Variants in PHKA2 observed in about 807,000 individuals in gnomAD.
The protein encoded by PHKA2 is phosphorylase b kinase regulatory subunit alpha, liver isoform.
PHKA2 carries 31 observed loss-of-function variants against 102.0 expected under a neutral mutation model. That is an observed-to-expected ratio of 0.30 (90% CI 0.23 to 0.41). PHKA2 has a LOEUF of 0.41. Ranked by LOEUF, PHKA2 falls within the 10% of genes least tolerant of loss-of-function variation. The pLI, the probability that PHKA2 is intolerant of heterozygous loss-of-function variation, is 1.00. For missense variants in PHKA2, 858 were observed against 1,023.1 expected (o/e 0.84, Z 2.20); for synonymous variants, 455 against 416.2 (o/e 1.09, Z -1.13).
chrX:18,939,683 T>C (rs61626065), intron 9 of PHKA2, among the ~76,000 whole-genome samples: 20 of 111,301 alleles, frequency 1.8e-4, no homozygotes, highest in South Asian at 1.5e-3. Context: ...TTAGTAGAGA[T>C]GGGGTTTCAC....
chrX:18,966,488 G>A (rs1224406692), intron 1 of PHKA2, among the ~76,000 whole-genome samples: 1 of 112,008 alleles, frequency 8.9e-6, no homozygotes, highest in Non-Finnish European at 1.9e-5. Context: ...TCTCCCTTGT[G>A]TGAGTTATTG....
chrX:18,963,672 T>G lies in PHKA2; in HGVS notation c.79-9260A>C, dbSNP rs188109257. ...GAATGCTTATATGGCCATGATGAAC[T>G]AGACACCATAAAACATGTGTTTGGT... On this transcript the variant is annotated intron_variant, in intron 1 of 32. Coordinates refer to ENST00000379942, the MANE Select transcript of PHKA2 (RefSeq NM_000292.3). 2.5e-4 allele frequency among the ~76,000 whole-genome samples: 28 copies of G among 112,098 alleles called. No individual in the cohort carries two copies. The East Asian group carries it at 7.3e-3, about 29-fold the overall frequency.
chrX:18,910,123 T>G (rs1601716009), intron 20 of PHKA2, among the ~76,000 whole-genome samples: 1 of 112,093 alleles, frequency 8.9e-6, no homozygotes, highest in Admixed American at 9.5e-5. Context: ...TTTTTAAAAT[T>G]TTTTTATGCC....
intron 3 of PHKA2, among the ~76,000 whole-genome samples, 154 bp downstream of exon 3, chrX:18,952,329 CAAAAAAAAAAA>C (rs1198542984): frequency 2.8e-5 from 1 of 35,336 alleles, no homozygotes; most frequent in Non-Finnish European, 6.2e-5. Context: ...GACCCTGTCT[CAAAAAAAAAAA>C]AAAAAAAAAA....
chrX:18,972,330 G>A (rs182912189), intron 1 of PHKA2, among the ~76,000 whole-genome samples: 1 of 112,068 alleles, frequency 8.9e-6, no homozygotes, highest in African/African-American at 3.2e-5. Flanking sequence ...TTGAAATCTG[G>A]TAAGGCATTC....
At chrX:18,905,580 C>A (rs2047794250) in intron 26 of PHKA2, among the ~76,000 whole-genome samples, 178 bp downstream of exon 26, 1 of 111,887 alleles carries the variant, frequency 8.9e-6, no homozygotes, top group African/African-American at 3.2e-5. Flanking sequence ...GCCCAGCACA[C>A]TGCGAGCAAG....
intron 1 of PHKA2, among the ~76,000 whole-genome samples, chrX:18,975,385 CCTT>C (rs2049073490): frequency 8.9e-6 from 1 of 112,000 alleles, no homozygotes; most frequent in Admixed American, 9.5e-5. Context: ...ACTTGCTCCT[CCTT>C]GTCTTCCGTC....
chrX:18,894,509 G>A, intron 31 of PHKA2, 105 bp from the exon 32 acceptor site: 1 of 689,081 alleles, frequency 1.5e-6, no homozygotes, highest in Non-Finnish European at 2.3e-6. Flanking sequence ...TGGGCTCGGG[G>A]CTCAGCGCCA....
At chrX:18,902,004 G>A (rs374232413) in intron 26 of PHKA2, among the ~76,000 whole-genome samples, 9 of 109,915 alleles carry the variant, frequency 8.2e-5, no homozygotes, top group Non-Finnish European at 1.5e-4. Flanking sequence ...CATCACGCCC[G>A]GCTAATTTTT....
At chrX:18,951,790 C>G (rs774977185) in intron 3 of PHKA2, among the ~76,000 whole-genome samples, 1 of 111,242 alleles carries the variant, frequency 9.0e-6, no homozygotes, top group African/African-American at 3.3e-5. Context: ...ATTTACCCCT[C>G]ACTGAAAATA....
At position 18,933,857 on chromosome X, in the gene PHKA2, T is replaced by C. The variant is rs112821458; in HGVS notation, c.1138-2109A>G. 5.2e-3 allele frequency among the ~76,000 whole-genome samples: 581 copies of C among 111,835 alleles called. 6 individuals carry two copies. The highest frequency in any genetic ancestry group is 0.018 in the African/African-American group (543 of 30,784). ...GAAACCCAAAGGTCAGTGTGGAGTT[T>C]AGAAGACAGAAAGTCACAGAGTAAT... On this transcript the variant is annotated intron_variant, in intron 11 of 32. Coordinates refer to ENST00000379942, the MANE Select transcript of PHKA2 (RefSeq NM_000292.3).
In PHKA2 at chrX:18,899,175, C is replaced by T. The variant is rs970976710; in HGVS notation, c.3109G>A (p.Ala1037Thr). The T allele has an allele frequency of 4.1e-6, 5 of 1,206,641 alleles. No homozygotes were observed. The highest frequency in any genetic ancestry group is 5.6e-6 in the Non-Finnish European group (5 of 892,049). The change falls in exon 29 of 33, where the codon GCG becomes ACG. Residue 1037 changes from alanine to threonine, a missense_variant and splice_region_variant. By Grantham distance (58) the Ala-to-Thr change is moderately conservative. Coordinates refer to ENST00000379942, the MANE Select transcript of PHKA2 (RefSeq NM_000292.3). The part of the protein sequence containing the change: ...ASSSAHSSKS[A>T]RSSTPSSPTG... ...CAATAATCCCGAGGCACTGTTACCG[C>T]AGACTTGGAGGAATGCGCACTGCTG...
intron 11 of PHKA2, among the ~76,000 whole-genome samples, chrX:18,932,571 T>C (rs1320068403): frequency 9.1e-6 from 1 of 110,309 alleles, no homozygotes; most frequent in East Asian, 2.9e-4. Flanking sequence ...TAGTAAAATT[T>C]AAAATTTTTT....
intron 4 of PHKA2, among the ~76,000 whole-genome samples, chrX:18,950,730 G>A (rs964520984): frequency 3.5e-5 from 4 of 112,785 alleles, no homozygotes; most frequent in Non-Finnish European, 5.6e-5. Flanking sequence ...CATAAGAGGC[G>A]ATTAGGCCCT....
At chrX:18,897,791 C>A (rs754921675) in intron 29 of PHKA2, 1 of 134,853 alleles carries the variant, frequency 7.4e-6, no homozygotes, top group African/African-American at 3.1e-5. Flanking sequence ...GAAGCCTTCA[C>A]CACGTGGAGA....
At position 18,940,203 on chromosome X, in the gene PHKA2, A is replaced by G. The variant is rs936314339; in HGVS notation, c.865-155T>C. Among the ~76,000 whole-genome samples the G allele has an allele frequency of 5.3e-5, 6 of 112,229 alleles. No individual in the cohort carries two copies. The Admixed American group carries it at 5.7e-4, about 11-fold the overall frequency. Reference sequence around the variant, plus strand: ...GTATAGTTATTAATATATTTAAGTAATAAGCAAAATCAATTCAGGTTTGAT... The same window carrying G: ...GTATAGTTATTAATATATTTAAGTAGTAAGCAAAATCAATTCAGGTTTGAT... On this transcript the variant is annotated intron_variant, in intron 8 of 32. Coordinates refer to ENST00000379942, the MANE Select transcript of PHKA2 (RefSeq NM_000292.3).
rs759902531 is a variant in PHKA2 at position 18,892,521 on chromosome X, G to C, written c.*964C>G. On this transcript the variant is annotated 3_prime_UTR_variant, in exon 33 of 33. Transcript: ENST00000379942. ...GAAGACCAAAGTGCTTCTACCAAGA[G>C]GGTACAGGTTCCTAGCCTGGCTCTA... 1 of 112,126 alleles carries C rather than the reference G, an allele frequency of 8.9e-6. No homozygotes were observed. Among genetic ancestry groups the C allele is most frequent in the Admixed American group, 9.4e-5 (1 of 10,602 alleles). The allele number at this position is 112,126 out of a possible 1,213,427, so 9.2% of individuals were successfully genotyped here.
Position 18,948,805 on chromosome X carries a change from A to G in PHKA2, c.476T>C (p.Leu159Pro). Reference sequence around the variant, plus strand: ...ATTCTGTATGAAGGCCACCTCATCGAGAGTGAAAATGATACGTAAGCCTAG... The same window carrying G: ...ATTCTGTATGAAGGCCACCTCATCGGGAGTGAAAATGATACGTAAGCCTAG... ...TASGLRIIFT[L>P]DEVAFIQNLV... Residue 159 changes from leucine (L) to proline (P), a missense_variant, in exon 5 of 33, where the codon CTC becomes CCC. Physicochemically the swap from Leu to Pro is moderately conservative, Grantham distance 98. Coordinates refer to ENST00000379942, the MANE Select transcript of PHKA2 (RefSeq NM_000292.3). 8.4e-7 allele frequency: 1 copy of G among 1,189,636 alleles called. No homozygotes were observed. The highest frequency in any genetic ancestry group is 1.1e-6 in the Non-Finnish European group (1 of 876,262).
Position 18,904,050 on chromosome X carries a change from C to T in PHKA2, c.2908+1708G>A, listed in dbSNP as rs767071751. Among the ~76,000 whole-genome samples the T allele has an allele frequency of 4.5e-5, 5 of 112,207 alleles. No individual in the cohort carries two copies. In the East Asian group the frequency reaches 1.4e-3, roughly 32 times the overall value. On this transcript the variant is annotated intron_variant, in intron 26 of 32. Transcript: ENST00000379942. ...GGGCAGCATCCCCTGCAAGCCTCAC[C>T]ATCCCACCTGACCCCAATGGAGCCA...
Sources: gnomAD v4.1 joint callset for allele counts (sites outside exome capture counted in the v4.1 genomes callset) on GRCh38, gnomAD v4.1.1 for gene constraint, MANE v1.5 for transcripts, NCBI Gene and HGNC (gene_info 2026-07-23, HGNC 2026-07-21) for gene names.